Variants in KCNIP4 observed in about 807,000 individuals in gnomAD.
KCNIP4 encodes the protein Kv channel-interacting protein 4.
KCNIP4 carries 12 observed loss-of-function variants against 34.0 expected under a neutral mutation model. The observed-to-expected ratio is 0.35, with a 90% CI of 0.23 to 0.57. The LOEUF (loss-of-function observed/expected upper bound fraction) is 0.57, where lower values mean the gene tolerates loss of function less well. Ranked by LOEUF, KCNIP4 falls within the 20% of genes least tolerant of loss-of-function variation. The pLI, the probability that KCNIP4 is intolerant of heterozygous loss-of-function variation, is 0.83. For synonymous variants in KCNIP4, 124 were observed against 102.2 expected (o/e 1.21, Z -1.29); for missense variants, 238 against 311.7 (o/e 0.76, Z 1.78).
chr4:21,350,550 T>C (rs981531901), intron 1 of KCNIP4, among the ~76,000 whole-genome samples: 4 of 152,206 alleles, frequency 2.6e-5, no homozygotes, highest in African/African-American at 9.6e-5. Flanking sequence ...GTCATGGAAA[T>C]GCAGAGCTGT....
At chr4:21,645,551 T>C (rs1195993647) in intron 1 of KCNIP4, among the ~76,000 whole-genome samples, 1 of 152,170 alleles carries the variant, frequency 6.6e-6, no homozygotes, top group African/African-American at 2.4e-5. Flanking sequence ...ATAGAAAATC[T>C]AGTGAAAATC....
chr4:21,937,875 T>C (rs184856438), intron 1 of KCNIP4, among the ~76,000 whole-genome samples: 105 of 152,164 alleles, frequency 6.9e-4, no homozygotes, highest in Non-Finnish European at 1.2e-3. Context: ...TACTCCCTTT[T>C]TGTCCATTGA....
intron 1 of KCNIP4, among the ~76,000 whole-genome samples, chr4:21,709,934 T>C (rs1392389151): frequency 6.6e-6 from 1 of 152,178 alleles, no homozygotes; most frequent in East Asian, 1.9e-4. Context: ...CAACAGCTAA[T>C]AATTACTGAC....
At chr4:20,866,341 G>T (rs1722873884) in intron 2 of KCNIP4, among the ~76,000 whole-genome samples, 1 of 152,058 alleles carries the variant, frequency 6.6e-6, no homozygotes, top group Non-Finnish European at 1.5e-5. Context: ...TGGGATGAAA[G>T]GTTGGTTCAA....
At chr4:21,789,279 G>T (rs1720118354) in intron 1 of KCNIP4, among the ~76,000 whole-genome samples, 1 of 152,122 alleles carries the variant, frequency 6.6e-6, no homozygotes, top group African/African-American at 2.4e-5. Flanking sequence ...CTTTGGGAAT[G>T]ATTGTGTCTT....
chr4:21,070,804 T>A (rs951773802), intron 1 of KCNIP4, among the ~76,000 whole-genome samples: 2 of 150,086 alleles, frequency 1.3e-5, no homozygotes, highest in Non-Finnish European at 1.5e-5. Context: ...GCCTCCTGAG[T>A]AGCTGGGACT....
At chr4:21,207,275 A>G (rs1756917055) in intron 1 of KCNIP4, among the ~76,000 whole-genome samples, 1 of 152,192 alleles carries the variant, frequency 6.6e-6, no homozygotes, top group African/African-American at 2.4e-5. Context: ...GGAAAAGGAG[A>G]AATGGCAGAA....
intron 1 of KCNIP4, among the ~76,000 whole-genome samples, chr4:21,931,162 C>A (rs1729540692): frequency 3.9e-5 from 6 of 151,956 alleles, no homozygotes; most frequent in Admixed American, 3.3e-4. Context: ...CTAACTACAG[C>A]CCATCTTTTA....
At chr4:21,411,647 TG>T (rs1194808444) in intron 1 of KCNIP4, among the ~76,000 whole-genome samples, 2 of 152,120 alleles carry the variant, frequency 1.3e-5, no homozygotes, top group African/African-American at 4.8e-5. Context: ...AAACTCCATC[TG>T]TCCCCAAAAC....
At chr4:21,242,163 CAAAAAAAA>C (rs11436478) in intron 1 of KCNIP4, among the ~76,000 whole-genome samples, 2 of 55,742 alleles carry the variant, frequency 3.6e-5, no homozygotes, top group South Asian at 7.8e-4. Context: ...AATTCTGTCT[CAAAAAAAA>C]AAAAAAAAAA....
At chr4:21,789,701 A>G (rs986291325) in intron 1 of KCNIP4, among the ~76,000 whole-genome samples, 3 of 152,232 alleles carry the variant, frequency 2.0e-5, no homozygotes, top group African/African-American at 7.2e-5. Flanking sequence ...CAGCATAAAC[A>G]AAAGATTTAA....
intron 1 of KCNIP4, among the ~76,000 whole-genome samples, chr4:21,010,249 C>T (rs1168445392): frequency 1.3e-5 from 2 of 152,168 alleles, no homozygotes; most frequent in Non-Finnish European, 2.9e-5. Context: ...CATGTCCACA[C>T]TTCCCTCCCT....
At chr4:21,021,451 A>G (rs1367503594) in intron 1 of KCNIP4, among the ~76,000 whole-genome samples, 1 of 152,206 alleles carries the variant, frequency 6.6e-6, no homozygotes, top group Non-Finnish European at 1.5e-5. Flanking sequence ...TTAATTTTTT[A>G]AAAGCATTTT....
intron 1 of KCNIP4, among the ~76,000 whole-genome samples, chr4:21,654,040 T>A (rs1056929588): frequency 6.6e-6 from 1 of 152,190 alleles, no homozygotes; most frequent in African/African-American, 2.4e-5. Flanking sequence ...AACCTATTTA[T>A]ATCCTAGGAT....
At chr4:21,658,478 C>T (rs542075296) in intron 1 of KCNIP4, among the ~76,000 whole-genome samples, 4 of 152,204 alleles carry the variant, frequency 2.6e-5, no homozygotes, top group Admixed American at 6.5e-5. Flanking sequence ...TGCAATGGCA[C>T]GATCTCAGCT....
chr4:21,665,306 C>T (rs1748762589), intron 1 of KCNIP4, among the ~76,000 whole-genome samples: 1 of 152,088 alleles, frequency 6.6e-6, no homozygotes, highest in African/African-American at 2.4e-5. Flanking sequence ...TTTCATGAAC[C>T]TTTCTTTCTC....
rs1450615623 is a variant in KCNIP4 at position 21,701,959 on chromosome 4, C to A, written c.61+246612G>T. Reference sequence around the variant, plus strand: ...CCTCAGATGATCTGCTTGCGTTGGCCTCCCAAAGTGCTGGGATTACAGGAG... The same window carrying A: ...CCTCAGATGATCTGCTTGCGTTGGCATCCCAAAGTGCTGGGATTACAGGAG... On this transcript the variant is annotated intron_variant, in intron 1 of 8. Coordinates refer to ENST00000382152, the MANE Select transcript of KCNIP4 (RefSeq NM_025221.6). Among the ~76,000 whole-genome samples, 4 of 152,244 alleles carry A rather than the reference C, an allele frequency of 2.6e-5. No individual in the cohort carries two copies. In the East Asian group the frequency reaches 7.7e-4, roughly 29 times the overall value.
At chr4:21,682,418 A>G (rs1001255147) in intron 1 of KCNIP4, among the ~76,000 whole-genome samples, 1 of 152,246 alleles carries the variant, frequency 6.6e-6, no homozygotes, top group East Asian at 1.9e-4. Flanking sequence ...CTTAAGGGGG[A>G]GTTGTGGCAG....
chr4:20,925,642 T>G (rs1247932702), intron 1 of KCNIP4, among the ~76,000 whole-genome samples: 1 of 152,228 alleles, frequency 6.6e-6, no homozygotes, highest in African/African-American at 2.4e-5. Context: ...CATTACTCTA[T>G]GGACTTGCCC....
Sources: gnomAD v4.1 joint callset for allele counts (sites outside exome capture counted in the v4.1 genomes callset) on GRCh38, gnomAD v4.1.1 for gene constraint, MANE v1.5 for transcripts, NCBI Gene and HGNC (gene_info 2026-07-23, HGNC 2026-07-21) for gene names.